Variants in ZNF462 observed in about 807,000 individuals in gnomAD.
The protein encoded by ZNF462 is zinc finger protein 462.
ZNF462 carries 10 observed loss-of-function variants against 201.9 expected under a neutral mutation model. The observed-to-expected ratio is 0.05, with a 90% CI of 0.03 to 0.08. ZNF462 has a LOEUF of 0.08. Ranked by LOEUF, ZNF462 falls within the 10% of genes least tolerant of loss-of-function variation. The pLI, the probability that ZNF462 is intolerant of heterozygous loss-of-function variation, is 1.00. For missense variants in ZNF462, 2,523 were observed against 3,168.3 expected (o/e 0.80, Z 4.89); for synonymous variants, 1,227 against 1,193.3 (o/e 1.03, Z -0.58).
In ZNF462 at chr9:106,924,342, G is replaced by T; in HGVS notation, c.430G>T (p.Val144Phe). 6.2e-7 allele frequency: 1 copy of T among 1,614,138 alleles called. No homozygotes were observed. The highest frequency in any genetic ancestry group is 8.5e-7 in the Non-Finnish European group (1 of 1,180,022). The change falls in exon 3 of 13, where the codon GTC becomes TTC. Residue 144 changes from valine to phenylalanine, a missense_variant. Physicochemically the swap from Val to Phe is conservative, Grantham distance 50. Coordinates refer to ENST00000277225, the MANE Select transcript of ZNF462 (RefSeq NM_021224.6). The surrounding 1 kb of genome is among the most constrained non-coding windows in gnomAD (Gnocchi z 6.2). The part of the protein sequence containing the change: ...QAEGSSSGPP[V>F]PGSLNYNIMM... ...TGAAGGGAGTTCATCAGGACCCCCT[G>T]TCCCGGGATCCTTAAATTATAATAT... is the stretch of plus-strand genomic sequence containing the variant.
intron 1 of ZNF462, among the ~76,000 whole-genome samples, chr9:106,914,399 G>T (rs927322704): frequency 6.6e-6 from 1 of 152,130 alleles, no homozygotes; most frequent in Non-Finnish European, 1.5e-5. Flanking sequence ...ACAGATGCTG[G>T]GTATGATAAC....
At position 106,935,105 on chromosome 9, in the gene ZNF462, T is replaced by A. The variant is rs977916762; in HGVS notation, c.6117-398T>A. Among the ~76,000 whole-genome samples, 4 of 152,236 alleles carry A rather than the reference T, an allele frequency of 2.6e-5. No individual in the cohort carries two copies. The highest frequency in any genetic ancestry group is 9.6e-5 in the African/African-American group (4 of 41,468). On this transcript the variant is annotated intron_variant, in intron 5 of 12. Coordinates refer to ENST00000277225, the MANE Select transcript of ZNF462 (RefSeq NM_021224.6). This position sits in a 1 kb window ranked among gnomAD's most constrained non-coding sequence, Gnocchi z 4.1. ...TGCTAAATTTCTCTAATTCCCATTC[T>A]GTTATTTGAATAAGTTAGAGGACTA...
At position 106,978,369 on chromosome 9, in the gene ZNF462, A is replaced by G. The variant is rs1827169956; in HGVS notation, c.6832+4096A>G. Among the ~76,000 whole-genome samples the G allele has an allele frequency of 6.6e-6, 1 of 151,658 alleles. No individual in the cohort carries two copies. The highest frequency in any genetic ancestry group is 2.1e-4 in the South Asian group (1 of 4,824). ...CATACCAGAGAAGTATGTTCTGGCC[A>G]AAGTATGAAGCGCCTGGATACTAAT... On this transcript the variant is annotated intron_variant, in intron 9 of 12. Transcript: ENST00000277225. This position sits in a 1 kb window ranked among gnomAD's most constrained non-coding sequence, Gnocchi z 4.1.
At chr9:106,965,024 A>T (rs146022670) in intron 7 of ZNF462, among the ~76,000 whole-genome samples, 2 of 152,198 alleles carry the variant, frequency 1.3e-5, no homozygotes, top group Non-Finnish European at 2.9e-5. Context: ...TAAATGTAAT[A>T]TGAGGTATAA....
Position 106,890,952 on chromosome 9 carries a change from T to A in ZNF462, c.-31+27597T>A, listed in dbSNP as rs1410367588. On this transcript the variant is annotated intron_variant, in intron 1 of 12. Coordinates refer to ENST00000277225, the MANE Select transcript of ZNF462 (RefSeq NM_021224.6). This position sits in a 1 kb window ranked among gnomAD's most constrained non-coding sequence, Gnocchi z 4.2. Reference sequence around the variant, plus strand: ...TTTTCTTTGTACCTTTCTGGTTGAGTAAAGAATAAGATAGTCTTTTTCTTT... The same window carrying A: ...TTTTCTTTGTACCTTTCTGGTTGAGAAAAGAATAAGATAGTCTTTTTCTTT... 6.6e-6 allele frequency among the ~76,000 whole-genome samples: 1 copy of A among 152,204 alleles called. No homozygotes were observed. The highest frequency in any genetic ancestry group is 1.5e-5 in the Non-Finnish European group (1 of 68,038).
chr9:106,881,325 G>A (rs1828087836), intron 1 of ZNF462, among the ~76,000 whole-genome samples: 1 of 152,176 alleles, frequency 6.6e-6, no homozygotes, highest in Non-Finnish European at 1.5e-5. Context: ...GTCAGTATTG[G>A]TAGGCCTGTG....
rs906750456 is a variant in ZNF462, at chr9:106,890,822, T to C, written c.-31+27467T>C. Among the ~76,000 whole-genome samples, 12 of 152,214 alleles carry C rather than the reference T, an allele frequency of 7.9e-5. No individual in the cohort carries two copies. Among genetic ancestry groups the C allele is most frequent in the African/African-American group, 2.7e-4 (11 of 41,458 alleles). Reference sequence around the variant, plus strand: ...GTTCAATTATCATGAGATTACCACATACTCTTGCCTGGAATCTTGCCAGCA... The same window carrying C: ...GTTCAATTATCATGAGATTACCACACACTCTTGCCTGGAATCTTGCCAGCA... On this transcript the variant is annotated intron_variant, in intron 1 of 12. Transcript: ENST00000277225. This position sits in a 1 kb window ranked among gnomAD's most constrained non-coding sequence, Gnocchi z 4.2.
chr9:106,907,053 T>C (rs1430685331), intron 1 of ZNF462, among the ~76,000 whole-genome samples: 4 of 152,210 alleles, frequency 2.6e-5, no homozygotes, highest in African/African-American at 9.6e-5. Context: ...TCTTTGGTAC[T>C]GATAAAATTA....
In ZNF462 at chr9:107,008,357, A is replaced by G. The variant is rs899701095; in HGVS notation, c.7190-1188A>G. 1.3e-5 allele frequency among the ~76,000 whole-genome samples: 2 copies of G among 152,186 alleles called. No homozygotes were observed. The highest frequency in any genetic ancestry group is 6.5e-5 in the Admixed American group (1 of 15,270). On this transcript the variant is annotated intron_variant, in intron 11 of 12. Coordinates refer to ENST00000277225, the MANE Select transcript of ZNF462 (RefSeq NM_021224.6). The surrounding 1 kb of genome is among the most constrained non-coding windows in gnomAD (Gnocchi z 4.8). ...TTCATCTTTTGTTAAATCTGGCCCC[A>G]GTCACATAGCTGTTTGTGCTGAAGA...
intron 10 of ZNF462, among the ~76,000 whole-genome samples, chr9:106,997,639 G>C (rs550906976): frequency 2.0e-5 from 3 of 152,118 alleles, no homozygotes; most frequent in African/African-American, 4.8e-5. Flanking sequence ...CCATCTTGCT[G>C]TAAGAAATCG....
chr9:106,913,327 C>T lies in ZNF462; in HGVS notation c.-30-10027C>T, dbSNP rs1254920889. On this transcript the variant is annotated intron_variant, in intron 1 of 12. Transcript: ENST00000277225. This position sits in a 1 kb window ranked among gnomAD's most constrained non-coding sequence, Gnocchi z 4.1. The stretch of plus-strand genomic sequence containing the variant: ...CTCTGGAATTCCTTAGGTTCTTGAA[C>T]GTTTAGTTCGATTTTGTACCACTGG... Among the ~76,000 whole-genome samples the T allele has an allele frequency of 1.3e-5, 2 of 152,072 alleles. No homozygotes were observed. The highest frequency in any genetic ancestry group is 1.9e-4 in the East Asian group (1 of 5,190).
chr9:106,893,915 C>T (rs1033162937), intron 1 of ZNF462, among the ~76,000 whole-genome samples: 7 of 152,128 alleles, frequency 4.6e-5, no homozygotes, highest in African/African-American at 1.7e-4. Context: ...GCCTACAAAC[C>T]TCTTTGAGAT....
chr9:106,978,924 A>T lies in ZNF462; in HGVS notation c.6832+4651A>T. The T allele has an allele frequency of 3.1e-6, 1 of 321,426 alleles. No individual in the cohort carries two copies. The highest frequency in any genetic ancestry group is 6.0e-6 in the Non-Finnish European group (1 of 166,860). 19.9% of individuals were successfully genotyped at this position (321,426 alleles called of 1,614,324 possible). The stretch of plus-strand genomic sequence containing the variant: ...ATAATTGGTCCTGATGGCTTCTACC[A>T]GCTTAGCCAAAGCGCCTTTGTCTTC... On this transcript the variant is annotated intron_variant, in intron 9 of 12. Coordinates refer to ENST00000277225, the MANE Select transcript of ZNF462 (RefSeq NM_021224.6). The surrounding 1 kb of genome is among the most constrained non-coding windows in gnomAD (Gnocchi z 4.1).
At chr9:106,949,437 A>G (rs1020254042) in intron 7 of ZNF462, among the ~76,000 whole-genome samples, 8 of 152,234 alleles carry the variant, frequency 5.3e-5, no homozygotes, top group Admixed American at 4.6e-4. Context: ...GGCTGTGTGT[A>G]TAGCAAGATG....
Position 106,923,585 on chromosome 9 carries a change from A to G in ZNF462, c.202A>G (p.Ile68Val). 2.0e-5 allele frequency: 33 copies of G among 1,614,248 alleles called. No homozygotes were observed. The highest frequency in any genetic ancestry group is 2.8e-5 in the Non-Finnish European group (33 of 1,180,036). Residue 68 changes from isoleucine to valine, a missense_variant, in exon 2 of 13, where the codon ATT becomes GTT. Coordinates refer to ENST00000277225, the MANE Select transcript of ZNF462 (RefSeq NM_021224.6). This position sits in a 1 kb window ranked among gnomAD's most constrained non-coding sequence, Gnocchi z 5.6. ...TTCTTCTATAAAGGATGAATTTGCC[A>G]TTGCAGAAGATTTATCAGGTAAATC... ...EFSSIKDEFA[I>V]AEDLSGQNAT... is the part of the protein sequence containing the mutation.
At chr9:106,973,563 AT>A (rs1385142660) in intron 8 of ZNF462, among the ~76,000 whole-genome samples, 1 of 152,160 alleles carries the variant, frequency 6.6e-6, no homozygotes, top group Non-Finnish European at 1.5e-5. Context: ...GGCTTTATCG[AT>A]TTTAATGAGA....
At chr9:106,871,677 G>A (rs530946848) in intron 1 of ZNF462, among the ~76,000 whole-genome samples, 1 of 152,342 alleles carries the variant, frequency 6.6e-6, no homozygotes, top group South Asian at 2.1e-4. Flanking sequence ...GACAATTTAT[G>A]TGACTTTGGG....
In ZNF462 at chr9:106,968,066, C is replaced by G. The variant is rs1288416920; in HGVS notation, c.6428-3939C>G. 6.6e-6 allele frequency among the ~76,000 whole-genome samples: 1 copy of G among 152,172 alleles called. No homozygotes were observed. Among genetic ancestry groups the G allele is most frequent in the African/African-American group, 2.4e-5 (1 of 41,444 alleles). On this transcript the variant is annotated intron_variant, in intron 7 of 12. Coordinates refer to ENST00000277225, the MANE Select transcript of ZNF462 (RefSeq NM_021224.6). This position sits in a 1 kb window ranked among gnomAD's most constrained non-coding sequence, Gnocchi z 4.0. ...ATGTGTTTATTGCTGAAGCAACGTT[C>G]ATGTTCTTTTTGGCTCCTCTGATTT...
chr9:106,982,898 G>A (rs371340817), intron 9 of ZNF462, among the ~76,000 whole-genome samples: 29 of 152,252 alleles, frequency 1.9e-4, no homozygotes, highest in African/African-American at 7.0e-4. Flanking sequence ...GAGTCGCATC[G>A]GTGTACAACG....
Sources: allele counts gnomAD v4.1 joint callset (sites outside exome capture counted in the v4.1 genomes callset), GRCh38; gene constraint gnomAD v4.1.1; non-coding constraint Gnocchi (gnomAD v3.1); transcripts MANE v1.5; gene names NCBI Gene and HGNC (gene_info 2026-07-23, HGNC 2026-07-21).